Variants in ADAM32 observed in about 807,000 individuals in gnomAD.
ADAM32 encodes disintegrin and metalloproteinase domain-containing protein 32.
A neutral mutation model predicts 114.9 loss-of-function variants in ADAM32; 89 were observed. That is an observed-to-expected ratio of 0.77 (90% confidence interval 0.65 to 0.92). The LOEUF (loss-of-function observed/expected upper bound fraction) is 0.92, where lower values mean the gene tolerates loss of function less well. ADAM32 is among the 40% of genes least tolerant of loss of function. ADAM32 has a pLI of 0.00. For synonymous variants in ADAM32, 285 were observed against 307.5 expected, an observed-to-expected ratio of 0.93 and a Z score of 0.77; for missense variants, 870 against 932.8, an observed-to-expected ratio of 0.93 and a Z score of 0.88.
chr8:39,176,738 C>T (rs1286922864), intron 10 of ADAM32, among the ~76,000 whole-genome samples: 3 of 152,108 alleles, frequency 2.0e-5, no homozygotes, highest in Admixed American at 6.5e-5. Flanking sequence ...TCCTGTATAT[C>T]TTTGTTAATT....
intron 20 of ADAM32, among the ~76,000 whole-genome samples, chr8:39,271,496 A>G (rs1395440281): frequency 6.6e-6 from 1 of 151,500 alleles, no homozygotes; most frequent in Admixed American, 6.6e-5. Context: ...GGTGATGCCA[A>G]CAGCCAAAGC....
Position 39,249,162 on chromosome 8 carries a change from C to G in ADAM32, c.1902+2996C>G, listed in dbSNP as rs139875360. Among the ~76,000 whole-genome samples, 756 of 152,142 alleles carry G rather than the reference C, an allele frequency of 5.0e-3. 5 individuals are homozygous for G. Among genetic ancestry groups the G allele is most frequent in the African/African-American group, 0.017 (724 of 41,508 alleles). ...CTCATGATCTGCCCGTCTTGGCCTCCCAAAGTGCTGGGATTTCAGGCATGA... is the reference window on the plus strand; with the variant it reads ...CTCATGATCTGCCCGTCTTGGCCTCGCAAAGTGCTGGGATTTCAGGCATGA... On this transcript the variant is annotated intron_variant, in intron 17 of 24. Coordinates refer to ENST00000379907, the MANE Select transcript of ADAM32 (RefSeq NM_145004.7).
At chr8:39,136,063 C>G (rs560074289) in intron 2 of ADAM32, among the ~76,000 whole-genome samples, 6 of 152,126 alleles carry the variant, frequency 3.9e-5, no homozygotes, top group Admixed American at 3.3e-4. Flanking sequence ...CTCTGTTTCT[C>G]TACCTCTTGC....
chr8:39,273,707 A>G (rs1045402709), intron 20 of ADAM32, among the ~76,000 whole-genome samples: 5 of 152,204 alleles, frequency 3.3e-5, no homozygotes, highest in Non-Finnish European at 5.9e-5. Context: ...GCTCCTGTTT[A>G]ACCTGTGAGC....
intron 1 of ADAM32, among the ~76,000 whole-genome samples, chr8:39,112,398 A>C (rs1840201015): frequency 6.6e-6 from 1 of 152,136 alleles, no homozygotes; most frequent in Admixed American, 6.5e-5. Flanking sequence ...TTTTTGTACT[A>C]AGTTTATCAA....
At chr8:39,135,077 C>A (rs1028105388) in intron 2 of ADAM32, among the ~76,000 whole-genome samples, 1 of 152,036 alleles carries the variant, frequency 6.6e-6, no homozygotes, top group African/African-American at 2.4e-5. Flanking sequence ...ATCACTTGAA[C>A]CCGGGAGGCA....
chr8:39,125,802 AT>A (rs1302646929), intron 2 of ADAM32, among the ~76,000 whole-genome samples: 1 of 152,146 alleles, frequency 6.6e-6, no homozygotes, highest in African/African-American at 2.4e-5. Flanking sequence ...TGGGTTTTAC[AT>A]TTAAGTCTTT....
chr8:39,202,456 G>A (rs1274058850), intron 11 of ADAM32, among the ~76,000 whole-genome samples: 2 of 152,178 alleles, frequency 1.3e-5, no homozygotes, highest in East Asian at 3.8e-4. Flanking sequence ...TTGTATTTCT[G>A]TGGGATCGGT....
intron 10 of ADAM32, among the ~76,000 whole-genome samples, chr8:39,176,240 G>A (rs116244875): frequency 0.027 from 4,168 of 151,900 alleles, 216 homozygotes; most frequent in African/African-American, 0.095. Context: ...TTGGGGTTCG[G>A]TTACTCTTGG....
intron 7 of ADAM32, among the ~76,000 whole-genome samples, chr8:39,163,857 CTG>C (rs1804664671): frequency 6.6e-6 from 1 of 152,140 alleles, no homozygotes. Context: ...TGAGTTTACT[CTG>C]GGATAATTTG....
At chr8:39,181,123 A>G (rs1047310343) in intron 10 of ADAM32, among the ~76,000 whole-genome samples, 5 of 152,246 alleles carry the variant, frequency 3.3e-5, no homozygotes, top group African/African-American at 1.2e-4. Context: ...CAGCAGTGGC[A>G]ACCCGCTTGG....
intron 11 of ADAM32, among the ~76,000 whole-genome samples, chr8:39,192,981 T>G (rs990965686): frequency 6.6e-6 from 1 of 152,200 alleles, no homozygotes; most frequent in African/African-American, 2.4e-5. Context: ...GAGAATGTGA[T>G]GACTATGTGT....
intron 2 of ADAM32, among the ~76,000 whole-genome samples, chr8:39,127,261 T>C (rs1009949621): frequency 6.6e-6 from 1 of 152,172 alleles, no homozygotes; most frequent in Non-Finnish European, 1.5e-5. Context: ...CTTTTCTTTG[T>C]CTTCTTTTTA....
At chr8:39,207,274 T>C (rs1807905987) in intron 11 of ADAM32, among the ~76,000 whole-genome samples, 2 of 152,174 alleles carry the variant, frequency 1.3e-5, no homozygotes, top group Non-Finnish European at 2.9e-5. Context: ...TTTTGGTCTT[T>C]TTTGTGCATG....
chr8:39,254,590 A>G, intron 18 of ADAM32, 74 bp downstream of exon 18: 1 of 1,197,364 alleles, frequency 8.4e-7, no homozygotes, highest in Admixed American at 2.9e-5. Flanking sequence ...ACAAAGTTCG[A>G]TTTTTCCACT....
chr8:39,215,517 T>A (rs1808499474), intron 12 of ADAM32, among the ~76,000 whole-genome samples: 1 of 151,990 alleles, frequency 6.6e-6, no homozygotes, highest in South Asian at 2.1e-4. Flanking sequence ...TTGATATAAG[T>A]GCGTAGAGCT....
chr8:39,132,200 A>C (rs1802508191), intron 2 of ADAM32, among the ~76,000 whole-genome samples: 2 of 152,138 alleles, frequency 1.3e-5, no homozygotes, highest in African/African-American at 4.8e-5. Context: ...GCCCAATCGG[A>C]GGTTATTTTT....
chr8:39,165,279 ATTTC>A, intron 9 of ADAM32, 83 bp downstream of exon 9: 1 of 1,006,170 alleles, frequency 9.9e-7, no homozygotes, highest in Non-Finnish European at 1.4e-6. Flanking sequence ...ATTATTATTC[ATTTC>A]TGAATATCCA....
chr8:39,228,281 C>A (rs2129449118), intron 14 of ADAM32, among the ~76,000 whole-genome samples: 1 of 152,216 alleles, frequency 6.6e-6, no homozygotes, highest in South Asian at 2.1e-4. Flanking sequence ...TCTTTAACAT[C>A]CCCCCAAAAT....
Sources: gnomAD v4.1 joint callset for allele counts (sites outside exome capture counted in the v4.1 genomes callset) on GRCh38, gnomAD v4.1.1 for gene constraint, MANE v1.5 for transcripts, NCBI Gene and HGNC (gene_info 2026-07-23, HGNC 2026-07-21) for gene names.